Variants in LAMP3 observed in about 807,000 individuals in gnomAD.
The protein encoded by LAMP3 is lysosome-associated membrane glycoprotein 3.
Under a neutral mutation model 34.8 loss-of-function variants are expected in LAMP3, and 26 were observed. The ratio of observed to expected loss-of-function variants is 0.75; its 90% confidence interval spans 0.55 to 1.04. The LOEUF is 1.04. Ranked by LOEUF, LAMP3 falls within the 50% of genes least tolerant of loss-of-function variation. LAMP3 has a pLI of 0.00. For synonymous variants in LAMP3, 180 were observed against 201.9 expected (o/e 0.89, Z 0.92); for missense variants, 495 against 524.0 (o/e 0.94, Z 0.54).
intron 3 of LAMP3, among the ~76,000 whole-genome samples, chr3:183,149,432 C>A (rs945600830): frequency 6.7e-6 from 1 of 150,280 alleles, no homozygotes; most frequent in South Asian, 2.1e-4. Context: ...GTAGTCCCAG[C>A]TACTTGGGAG....
intron 5 of LAMP3, among the ~76,000 whole-genome samples, chr3:183,129,468 T>C (rs1719857614): frequency 6.6e-6 from 1 of 152,154 alleles, no homozygotes; most frequent in South Asian, 2.1e-4. Context: ...CCTGTAATGC[T>C]TTAATCATAA....
intron 5 of LAMP3, among the ~76,000 whole-genome samples, chr3:183,131,297 C>T (rs1719910958): frequency 6.6e-6 from 1 of 152,188 alleles, no homozygotes; most frequent in Non-Finnish European, 1.5e-5. Context: ...GTAAATCTTA[C>T]ATTAATCATT....
At chr3:183,156,999 C>T (rs1268993894) in intron 1 of LAMP3, among the ~76,000 whole-genome samples, 1 of 152,080 alleles carries the variant, frequency 6.6e-6, no homozygotes, top group Non-Finnish European at 1.5e-5. Flanking sequence ...ATGAAAACCT[C>T]ATAATGATGA....
At position 183,136,378 on chromosome 3, in the gene LAMP3, G is replaced by A. The variant is rs568113860; in HGVS notation, c.947-491C>T. On this transcript the variant is annotated intron_variant, in intron 4 of 5. Transcript: ENST00000265598. Reference sequence around the variant, plus strand: ...GTCAAGAACTCATTAGGGGCCAGGCGCGGTGGCTCACGCCTGTAATCCCAG... The same window carrying A: ...GTCAAGAACTCATTAGGGGCCAGGCACGGTGGCTCACGCCTGTAATCCCAG... 4.6e-5 allele frequency among the ~76,000 whole-genome samples: 7 copies of A among 152,248 alleles called. No homozygotes were observed. In the South Asian group the frequency reaches 6.2e-4, roughly 14 times the overall value.
At position 183,123,376 on chromosome 3, in the gene LAMP3, T is replaced by A. The variant is rs1288181937; in HGVS notation, c.*705A>T. 6.6e-6 allele frequency: 1 copy of A among 152,220 alleles called. No homozygotes were observed. The highest frequency in any genetic ancestry group is 1.5e-5 in the Non-Finnish European group (1 of 68,106). The allele number at this position is 152,220 out of a possible 1,614,324, so 9.4% of individuals were successfully genotyped here. On this transcript the variant is annotated 3_prime_UTR_variant, in exon 6 of 6. Coordinates refer to ENST00000265598, the MANE Select transcript of LAMP3 (RefSeq NM_014398.4). ...GAGTTCAAGACCAGTCTGGCCAACA[T>A]GGTGAAACCCCGTCTATAATAAAAA...
chr3:183,142,819 A>G (rs1720326051), intron 3 of LAMP3, among the ~76,000 whole-genome samples: 1 of 152,068 alleles, frequency 6.6e-6, no homozygotes, highest in African/African-American at 2.4e-5. Flanking sequence ...GTGTTCAAAA[A>G]TCAAGAATTT....
intron 5 of LAMP3, among the ~76,000 whole-genome samples, chr3:183,127,860 G>A (rs2108594674): frequency 6.6e-6 from 1 of 152,198 alleles, no homozygotes; most frequent in South Asian, 2.1e-4. Flanking sequence ...GGCTGGGCAC[G>A]GTGGCTCACG....
chr3:183,126,964 T>C (rs771844704), intron 5 of LAMP3, among the ~76,000 whole-genome samples: 2 of 152,208 alleles, frequency 1.3e-5, no homozygotes, highest in African/African-American at 2.4e-5. Flanking sequence ...TTTAGAGTTC[T>C]AAAAAGAGAT....
At chr3:183,136,369 G>C (rs1277555301) in intron 4 of LAMP3, among the ~76,000 whole-genome samples, 3 of 152,116 alleles carry the variant, frequency 2.0e-5, no homozygotes, top group Non-Finnish European at 4.4e-5. Flanking sequence ...AACTCATTAG[G>C]GGCCAGGCGC....
chr3:183,139,613 A>T (rs1720212176), intron 4 of LAMP3, among the ~76,000 whole-genome samples: 1 of 152,224 alleles, frequency 6.6e-6, no homozygotes, highest in East Asian at 1.9e-4. Flanking sequence ...ATAACTAATG[A>T]TAACATAGAA....
upstream of LAMP3, chr3:183,162,752 AC>A: frequency 8.5e-7 from 1 of 1,171,754 alleles, no homozygotes; most frequent in South Asian, 1.6e-5. Context: ...AAACGAAACC[AC>A]CTGCTTATGA....
At position 183,137,356 on chromosome 3, in the gene LAMP3, T is replaced by G. The variant is rs572551982; in HGVS notation, c.947-1469A>C. On this transcript the variant is annotated intron_variant, in intron 4 of 5. Transcript: ENST00000265598. ...ATAATAATAATAAAAGAAAAATAATTAATCATACAATGAACTCCATTTTCT... is the reference window on the plus strand; with the variant it reads ...ATAATAATAATAAAAGAAAAATAATGAATCATACAATGAACTCCATTTTCT... 3.7e-4 allele frequency among the ~76,000 whole-genome samples: 57 copies of G among 152,152 alleles called. No individual in the cohort carries two copies. The South Asian group carries it at 0.012, about 31-fold the overall frequency.
At chr3:183,156,364 A>AAACAACAACAACAACAACAACAACAAC (rs10663850) in intron 1 of LAMP3, among the ~76,000 whole-genome samples, 1 of 151,034 alleles carries the variant, frequency 6.6e-6, no homozygotes, top group African/African-American at 2.4e-5. Flanking sequence ...GCTGTCTCAA[A>AAACAACAACAACAACAACAACAACAAC]AACAACAACA....
At chr3:183,161,475 C>T (rs752671171) in intron 1 of LAMP3, among the ~76,000 whole-genome samples, 60 of 152,060 alleles carry the variant, frequency 3.9e-4, no homozygotes, top group Non-Finnish European at 7.6e-4. Context: ...ACTGCAACCT[C>T]CGCCTCTTGG....
At position 183,154,050 on chromosome 3, in the gene LAMP3, G is replaced by A. The variant is rs777618057; in HGVS notation, c.391C>T (p.Pro131Ser). The change falls in exon 2 of 6, where the codon CCT becomes TCT. Residue 131 changes from proline (P) to serine (S), a missense_variant. Pro to Ser is a moderately conservative substitution (Grantham distance 74). Coordinates refer to ENST00000265598, the MANE Select transcript of LAMP3 (RefSeq NM_014398.4). ...GTGATGGTGGGTGGCAGTGAATAAGGGGCTAAGCTAGGGCCGACTGTAACT... is the reference window on the plus strand; with the variant it reads ...GTGATGGTGGGTGGCAGTGAATAAGAGGCTAAGCTAGGGCCGACTGTAACT... Reference protein sequence around the residue: ...TEVTVGPSLAPYSLPPTITPP... With the variant: ...TEVTVGPSLASYSLPPTITPP... 41 of 1,614,028 alleles carry A rather than the reference G, an allele frequency of 2.5e-5. 3 individuals are homozygous for A. In the South Asian group the frequency reaches 3.4e-4, roughly 13 times the overall value.
intron 5 of LAMP3, among the ~76,000 whole-genome samples, chr3:183,135,515 G>A (rs1334264300): frequency 6.6e-6 from 1 of 152,186 alleles, no homozygotes; most frequent in African/African-American, 2.4e-5. Context: ...AACCCGCTGC[G>A]GGACAGCCGT....
intron 1 of LAMP3, among the ~76,000 whole-genome samples, chr3:183,157,359 C>T (rs1720850953): frequency 6.6e-6 from 1 of 152,086 alleles, no homozygotes; most frequent in South Asian, 2.1e-4. Context: ...AACTTTTATG[C>T]CCATGTCATG....
Position 183,123,796 on chromosome 3 carries a change from T to C in LAMP3, c.*285A>G, listed in dbSNP as rs1374326581. The C allele has an allele frequency of 2.7e-6, 1 of 364,514 alleles. No homozygotes were observed. The highest frequency in any genetic ancestry group is 5.1e-6 in the Non-Finnish European group (1 of 197,854). 22.6% of individuals were successfully genotyped at this position (364,514 alleles called of 1,614,324 possible). A position where few individuals can be genotyped will look rare whatever the true frequency, so the allele number is the denominator to read the frequency against. On this transcript the variant is annotated 3_prime_UTR_variant, in exon 6 of 6. Transcript: ENST00000265598. ...GGCTTATTCTACTTTACATATATTA[T>C]GTTAATTCAACATATCTCAAATGTT...
chr3:183,153,362 A>C (rs943109319), intron 2 of LAMP3, among the ~76,000 whole-genome samples: 14 of 152,218 alleles, frequency 9.2e-5, no homozygotes, highest in African/African-American at 3.4e-4. Flanking sequence ...TGAGGCTTTT[A>C]AGTCTTCTGG....
Sources: gnomAD v4.1 joint callset for allele counts (sites outside exome capture counted in the v4.1 genomes callset) on GRCh38, gnomAD v4.1.1 for gene constraint, MANE v1.5 for transcripts, NCBI Gene and HGNC (gene_info 2026-07-23, HGNC 2026-07-21) for gene names.